The following CFH variants were observed in gnomAD, a reference collection of about 807,000 sequenced individuals.
CFH encodes H factor 1 (complement).
A neutral mutation model predicts 147.3 loss-of-function variants in CFH; 53 were observed. The ratio of observed to expected loss-of-function variants is 0.36; its 90% CI spans 0.29 to 0.45. The LOEUF is 0.45. Among genes scored for constraint, CFH ranks in the 20% least tolerant of loss-of-function variants. The probability of loss-of-function intolerance (pLI) is 1.00; values close to 1 mark genes in which losing one functional copy is unlikely to be tolerated. For missense variants in CFH, 1,380 were observed against 1,498.0 expected (o/e 0.92, Z 1.30); for synonymous variants, 536 against 489.4 (o/e 1.10, Z -1.26).
intron 18 of CFH, chr1:196,741,009 T>C: frequency 1.8e-6 from 1 of 555,626 alleles, no homozygotes. Context: ...ACTTTAAGCA[T>C]CCTCTGATGT....
intron 9 of CFH, among the ~76,000 whole-genome samples, chr1:196,692,125 A>G (rs1053115513): frequency 2.0e-5 from 3 of 151,838 alleles, no homozygotes; most frequent in Non-Finnish European, 4.4e-5. Flanking sequence ...CCTCTATTGA[A>G]TTTTATTTAT....
intron 11 of CFH, among the ~76,000 whole-genome samples, chr1:196,724,779 CT>C (rs1243324414): frequency 6.6e-6 from 1 of 152,016 alleles, no homozygotes; most frequent in Non-Finnish European, 1.5e-5. Flanking sequence ...ATGCACTTTT[CT>C]TTTTTAATAT....
At chr1:196,657,652 T>G (rs376504743) in intron 1 of CFH, among the ~76,000 whole-genome samples, 1 of 152,224 alleles carries the variant, frequency 6.6e-6, no homozygotes, top group Admixed American at 6.5e-5. Flanking sequence ...GAAAGAAATT[T>G]AATGCAAAAT....
chr1:196,680,158 T>A (rs1183091344), intron 6 of CFH, among the ~76,000 whole-genome samples: 1 of 151,836 alleles, frequency 6.6e-6, no homozygotes, highest in Non-Finnish European at 1.5e-5. Context: ...ATTTAAATTA[T>A]ATGAATATTT....
chr1:196,701,528 G>T, intron 9 of CFH: 2 of 704,920 alleles, frequency 2.8e-6, no homozygotes, highest in South Asian at 1.9e-5. Flanking sequence ...CAATGGGGCT[G>T]GTGGCTTTGA....
At chr1:196,714,124 T>TGTGTTACAG (rs1370785958) in intron 10 of CFH, among the ~76,000 whole-genome samples, 2 of 152,234 alleles carry the variant, frequency 1.3e-5, no homozygotes, top group East Asian at 3.9e-4. Context: ...TTTCCTACTC[T>TGTGTTACAG]AAAGCATTCT....
In CFH at chr1:196,676,072, A is replaced by C. The variant is rs1221679637; in HGVS notation, c.427+7A>C. 1 of 1,541,262 alleles carries C rather than the reference A, an allele frequency of 6.5e-7. No individual in the cohort carries two copies. The highest frequency in any genetic ancestry group is 2.3e-5 in the East Asian group (1 of 44,292). ...GATATTCCTATATGTGAAGGTAGAC[A>C]TAAAATGTATTTACAAGTATATTGA... On this transcript the variant is annotated splice_region_variant and intron_variant, in intron 4 of 21. Coordinates refer to ENST00000367429, the MANE Select transcript of CFH (RefSeq NM_000186.4).
At chr1:196,743,748 A>C (rs1015769529) in intron 20 of CFH, 120 bp downstream of exon 20, 158 of 1,402,496 alleles carry the variant, frequency 1.1e-4, no homozygotes, top group Non-Finnish European at 1.4e-4. Context: ...AAAATGACTG[A>C]TGGTGCTTAA....
intron 15 of CFH, among the ~76,000 whole-genome samples, chr1:196,735,903 G>C (rs1268107029): frequency 6.6e-6 from 1 of 151,956 alleles, no homozygotes; most frequent in Non-Finnish European, 1.5e-5. Context: ...ATAACAAAAT[G>C]TCAGACACTT....
At chr1:196,672,101 C>T (rs1351526656) in intron 1 of CFH, among the ~76,000 whole-genome samples, 1 of 152,050 alleles carries the variant, frequency 6.6e-6, no homozygotes, top group African/African-American at 2.4e-5. Context: ...GCTACCTAGA[C>T]TCTAGCAAAG....
chr1:196,673,500 C>G, intron 2 of CFH: 2 of 371,182 alleles, frequency 5.4e-6, no homozygotes, highest in Non-Finnish European at 5.1e-6. Flanking sequence ...CCACGCCCGG[C>G]TAATTTTTGT....
chr1:196,668,466 T>C (rs1029758644), intron 1 of CFH, among the ~76,000 whole-genome samples: 2 of 152,174 alleles, frequency 1.3e-5, no homozygotes, highest in Admixed American at 6.5e-5. Context: ...GTTTCCTCTG[T>C]CTGTGATATG....
At chr1:196,715,200 C>T (rs549717657) in intron 10 of CFH, among the ~76,000 whole-genome samples, 2 of 151,874 alleles carry the variant, frequency 1.3e-5, no homozygotes, top group East Asian at 3.9e-4. Context: ...GTCTTTTTCT[C>T]CTTTTTACAT....
At chr1:196,693,267 A>G (rs1668128623) in intron 9 of CFH, among the ~76,000 whole-genome samples, 1 of 152,128 alleles carries the variant, frequency 6.6e-6, no homozygotes, top group African/African-American at 2.4e-5. Flanking sequence ...AACTGGCTGT[A>G]GTTTCCTTTA....
intron 1 of CFH, among the ~76,000 whole-genome samples, chr1:196,672,390 C>A (rs1667311490): frequency 6.6e-6 from 1 of 152,120 alleles, no homozygotes. Context: ...TGTTGTTGTT[C>A]CAATTTGGAG....
chr1:196,666,291 T>A (rs1667082255), intron 1 of CFH, among the ~76,000 whole-genome samples: 2 of 152,222 alleles, frequency 1.3e-5, no homozygotes, highest in South Asian at 4.1e-4. Context: ...TTTCATTTAA[T>A]GTTTTACTAG....
intron 17 of CFH, among the ~76,000 whole-genome samples, chr1:196,739,370 T>A (rs1652724873): frequency 6.6e-6 from 1 of 152,210 alleles, no homozygotes; most frequent in Admixed American, 6.5e-5. Flanking sequence ...TTTCCAAACT[T>A]TTATGCTCTG....
chr1:196,714,668 TAGAGAGAGAGAGAGAGAGAGAG>T (rs1205328020), intron 10 of CFH, among the ~76,000 whole-genome samples: 10 of 21,302 alleles, frequency 4.7e-4, no homozygotes, highest in East Asian at 1.5e-3. Flanking sequence ...TATATATATA[TAGAGAGAGAGAGAGAGAGAGAG>T]AGAGAGAGAG....
chr1:196,688,620 A>G (rs1412991462), intron 7 of CFH, among the ~76,000 whole-genome samples: 1 of 152,010 alleles, frequency 6.6e-6, no homozygotes, highest in Non-Finnish European at 1.5e-5. Flanking sequence ...TTACTTATTT[A>G]TATTTTTCGA....
Sources: gnomAD v4.1 joint callset for allele counts (sites outside exome capture counted in the v4.1 genomes callset) on GRCh38, gnomAD v4.1.1 for gene constraint, MANE v1.5 for transcripts, NCBI Gene and HGNC (gene_info 2026-07-23, HGNC 2026-07-21) for gene names.